The following ELP4 variants were observed in gnomAD, a reference collection of about 807,000 sequenced individuals.
ELP4 encodes the protein elongator complex protein 4.
A neutral mutation model predicts 48.9 loss-of-function variants in ELP4; 51 were observed. The ratio of observed to expected loss-of-function variants is 1.04; its 90% confidence interval spans 0.83 to 1.32. The LOEUF (loss-of-function observed/expected upper bound fraction) is 1.32. Among genes scored for constraint, ELP4 ranks in the 40% most tolerant of loss-of-function variants. The pLI is 0.00. For synonymous variants in ELP4, 210 were observed against 189.2 expected (o/e 1.11, Z -0.90); for missense variants, 519 against 514.6 (o/e 1.01, Z -0.08).
At position 31,587,524 on chromosome 11, in the gene ELP4, GTTAT is replaced by G. The variant is rs1413233546; in HGVS notation, c.382-7241_382-7238del. On this transcript the variant is annotated intron_variant, in intron 3 of 9. Coordinates refer to ENST00000640961, the MANE Select transcript of ELP4 (RefSeq NM_019040.5). ...ACTTCTTACTGTGCTCCAAAATCATGTTATTTATCTTAGGGGAGAACATGTTGAG... is the reference window on the plus strand; with the variant it reads ...ACTTCTTACTGTGCTCCAAAATCATGTTATCTTAGGGGAGAACATGTTGAG... Among the ~76,000 whole-genome samples the G allele has an allele frequency of 6.6e-5, 10 of 152,280 alleles. No homozygotes were observed. The East Asian group carries it at 1.9e-3, about 29-fold the overall frequency.
chr11:31,647,981 T>C, intron 8 of ELP4, 132 bp downstream of exon 8: 1 of 575,486 alleles, frequency 1.7e-6, no homozygotes, highest in East Asian at 3.0e-5. Flanking sequence ...ATATTTTCCA[T>C]TCCTGTCCAG....
intron 3 of ELP4, among the ~76,000 whole-genome samples, chr11:31,575,828 G>T (rs1957266109): frequency 6.6e-6 from 1 of 152,174 alleles, no homozygotes; most frequent in Non-Finnish European, 1.5e-5. Flanking sequence ...ACTAGCCACT[G>T]CAAAAACATG....
At chr11:31,630,415 G>A (rs1236666628) in intron 6 of ELP4, among the ~76,000 whole-genome samples, 1 of 150,528 alleles carries the variant, frequency 6.6e-6, no homozygotes, top group Non-Finnish European at 1.5e-5. Context: ...TGCAACCTCC[G>A]CCTCCCAGGT....
intron 2 of ELP4, among the ~76,000 whole-genome samples, chr11:31,530,777 T>C (rs1956383781): frequency 6.6e-6 from 1 of 152,194 alleles, no homozygotes; most frequent in Non-Finnish European, 1.5e-5. Context: ...AATATTTCCA[T>C]TTCTCATTGT....
chr11:31,743,944 A>C (rs2134225339), intron 9 of ELP4, among the ~76,000 whole-genome samples: 1 of 152,330 alleles, frequency 6.6e-6, no homozygotes, highest in Non-Finnish European at 1.5e-5. Context: ...AAAATTAATG[A>C]GTCCAGGAGC....
chr11:31,604,053 C>G (rs572197718), intron 5 of ELP4, 146 bp downstream of exon 5: 11 of 601,874 alleles, frequency 1.8e-5, no homozygotes, highest in African/African-American at 1.1e-4. Context: ...AACTTCAAGT[C>G]TATGTATTTT....
intron 8 of ELP4, 90 bp from the exon 9 acceptor site, chr11:31,650,025 A>C: frequency 7.5e-6 from 4 of 534,056 alleles, no homozygotes; most frequent in East Asian, 3.2e-5. Flanking sequence ...CTTGTGTGTA[A>C]ATTTACAGGA....
At chr11:31,555,817 G>A (rs1322113131) in intron 3 of ELP4, among the ~76,000 whole-genome samples, 1 of 151,872 alleles carries the variant, frequency 6.6e-6, no homozygotes, top group Non-Finnish European at 1.5e-5. Context: ...TCAGTATGCA[G>A]ACCTCAATTA....
At chr11:31,510,343 A>G (rs1955966190) in intron 1 of ELP4, 1 of 490,498 alleles carries the variant, frequency 2.0e-6, no homozygotes, top group Non-Finnish European at 3.6e-6. Context: ...GCTTTCATTC[A>G]GGATACCTCC....
At chr11:31,623,390 T>TATATATATATATAA (rs67986763) in intron 5 of ELP4, among the ~76,000 whole-genome samples, 1,422 of 92,386 alleles carry the variant, frequency 0.015, 83 homozygotes, top group East Asian at 0.022. Flanking sequence ...TATATATATA[T>TATATATATATATAA]AAAACTAGAA....
At chr11:31,641,415 A>G (rs936320317) in intron 7 of ELP4, among the ~76,000 whole-genome samples, 2 of 151,948 alleles carry the variant, frequency 1.3e-5, no homozygotes, top group Non-Finnish European at 2.9e-5. Context: ...AAGGCCTTAT[A>G]TTATAAAAGC....
At chr11:31,749,540 A>G (rs1947671013) in intron 9 of ELP4, among the ~76,000 whole-genome samples, 1 of 152,176 alleles carries the variant, frequency 6.6e-6, no homozygotes, top group African/African-American at 2.4e-5. Flanking sequence ...TCTGTCAGTG[A>G]TTTCTAATTT....
chr11:31,558,974 G>A (rs1164771651), intron 3 of ELP4, among the ~76,000 whole-genome samples: 1 of 152,012 alleles, frequency 6.6e-6, no homozygotes, highest in Non-Finnish European at 1.5e-5. Context: ...CCTTTTGAGA[G>A]GGATAAATGA....
Position 31,790,113 on chromosome 11 carries a change from A to T in ELP4, c.*6589A>T. The T allele has an allele frequency of 1.3e-6, 1 of 793,464 alleles. No homozygotes were observed. Among genetic ancestry groups the T allele is most frequent in the Non-Finnish European group, 2.0e-6 (1 of 488,602 alleles). 49.2% of individuals were successfully genotyped at this position (793,464 alleles called of 1,614,324 possible). ...ATAGGTTTACAAAAAAAAAAAAAAA[A>T]AAAAAAACTAATACTTTCTAACATT... is the stretch of plus-strand genomic sequence containing the variant. On this transcript the variant is annotated 3_prime_UTR_variant, in exon 10 of 10. Transcript: ENST00000640961.
At chr11:31,747,033 C>CTGTGTGTGTG (rs34776621) in intron 9 of ELP4, among the ~76,000 whole-genome samples, 4 of 149,954 alleles carry the variant, frequency 2.7e-5, no homozygotes, top group African/African-American at 9.8e-5. Context: ...CAGACTAACA[C>CTGTGTGTGTG]TGTGTGTGTG....
At chr11:31,709,234 CAGTT>C (rs576317172) in intron 9 of ELP4, among the ~76,000 whole-genome samples, 2 of 152,184 alleles carry the variant, frequency 1.3e-5, no homozygotes, top group South Asian at 2.1e-4. Flanking sequence ...GACCTGGTGT[CAGTT>C]AGGAACAAAT....
At chr11:31,633,388 G>T (rs1358442048) in intron 7 of ELP4, 3 of 151,984 alleles carry the variant, frequency 2.0e-5, no homozygotes, top group African/African-American at 7.2e-5. Flanking sequence ...AAGAAGTTCA[G>T]CCAGGGTAAC....
chr11:31,644,365 C>T (rs867468715), intron 7 of ELP4, among the ~76,000 whole-genome samples: 8 of 151,722 alleles, frequency 5.3e-5, no homozygotes, highest in Non-Finnish European at 7.4e-5. Flanking sequence ...AAGTAATTGA[C>T]GTACAAATGC....
intron 2 of ELP4, among the ~76,000 whole-genome samples, chr11:31,532,710 TTTTA>T (rs1956414817): frequency 6.6e-6 from 1 of 151,734 alleles, no homozygotes; most frequent in African/African-American, 2.4e-5. Context: ...TATATTTTAT[TTTTA>T]TTTTTTAATT....
Sources: gnomAD v4.1 joint callset for allele counts (sites outside exome capture counted in the v4.1 genomes callset) on GRCh38, gnomAD v4.1.1 for gene constraint, MANE v1.5 for transcripts, NCBI Gene and HGNC (gene_info 2026-07-23, HGNC 2026-07-21) for gene names.